Variants in RNF168 observed in about 807,000 individuals in gnomAD.
RNF168 encodes ring finger protein 168.
RNF168 carries 34 observed loss-of-function variants against 34.9 expected under a neutral mutation model. That is an observed-to-expected ratio of 0.97 (90% CI 0.74 to 1.30). The LOEUF (loss-of-function observed/expected upper bound fraction) is 1.30, where lower values mean the gene tolerates loss of function less well. RNF168 is among the 50% of genes most tolerant of loss of function. The pLI, the probability that RNF168 is intolerant of heterozygous loss-of-function variation, is 0.00. For synonymous variants in RNF168, 264 were observed against 254.7 expected, an observed-to-expected ratio of 1.04 and a Z score of -0.35; for missense variants, 725 against 682.5, an observed-to-expected ratio of 1.06 and a Z score of -0.69.
rs375466986 is a variant in RNF168, at chr3:196,472,783, C to A, written c.763-11G>T. Reference sequence around the variant, plus strand: ...ACTACTGTCAATGTCCTGTAGAAAACAGAAAAAGACTGAGTGAACCAGGGG... The same window carrying A: ...ACTACTGTCAATGTCCTGTAGAAAAAAGAAAAAGACTGAGTGAACCAGGGG... On this transcript the variant is annotated splice_polypyrimidine_tract_variant and intron_variant, in intron 5 of 5. Coordinates refer to ENST00000318037, the MANE Select transcript of RNF168 (RefSeq NM_152617.4). 1 of 1,525,800 alleles carries A rather than the reference C, an allele frequency of 6.6e-7. No homozygotes were observed. The highest frequency in any genetic ancestry group is 2.3e-5 in the East Asian group (1 of 44,346). 94.5% of individuals were successfully genotyped at this position (1,525,800 alleles called of 1,614,324 possible).
intron 4 of RNF168, among the ~76,000 whole-genome samples, chr3:196,478,815 C>T (rs886133183): frequency 2.7e-5 from 4 of 150,332 alleles, no homozygotes; most frequent in Non-Finnish European, 5.9e-5. Context: ...TACAGGCATG[C>T]ACCACCATGC....
chr3:196,474,505 C>A (rs1296848685), intron 5 of RNF168, among the ~76,000 whole-genome samples: 3 of 144,068 alleles, frequency 2.1e-5, no homozygotes, highest in African/African-American at 7.8e-5. Flanking sequence ...TGGAGGGCAA[C>A]GGCACGATCT....
chr3:196,502,711 T>C (rs1458107959), intron 1 of RNF168, among the ~76,000 whole-genome samples, 162 bp downstream of exon 1: 1 of 152,136 alleles, frequency 6.6e-6, no homozygotes, highest in Non-Finnish European at 1.5e-5. Flanking sequence ...TTATAATCCA[T>C]CGACATTTGG....
At chr3:196,481,854 A>G (rs1006629871) in intron 4 of RNF168, among the ~76,000 whole-genome samples, 6 of 149,890 alleles carry the variant, frequency 4.0e-5, no homozygotes, top group African/African-American at 1.5e-4. Context: ...GGGTCTTACT[A>G]TGTTGCCCAG....
At chr3:196,472,914 CT>C (rs1039221274) in intron 5 of RNF168, 142 bp from the exon 6 acceptor site, 97 of 570,922 alleles carry the variant, frequency 1.7e-4, no homozygotes, top group Non-Finnish European at 2.3e-4. Context: ...TCTTTCTTTT[CT>C]TTTTTTTTCA....
In RNF168 at chr3:196,503,252, G is replaced by A. The variant is rs771106751; in HGVS notation, c.-79C>T. The A allele has an allele frequency of 2.3e-6, 3 of 1,294,426 alleles. No individual in the cohort carries two copies. The highest frequency in any genetic ancestry group is 3.3e-6 in the Non-Finnish European group (3 of 898,610). 80.2% of individuals were successfully genotyped at this position (1,294,426 alleles called of 1,614,324 possible). A position where few individuals can be genotyped will look rare whatever the true frequency, so the allele number is the denominator to read the frequency against. Reference sequence around the variant, plus strand: ...CTATTTTCGGCCAACCACAGAGAGAGCAAAAGCAGTTTTGTGTTTCAGTAT... The same window carrying A: ...CTATTTTCGGCCAACCACAGAGAGAACAAAAGCAGTTTTGTGTTTCAGTAT... On this transcript the variant is annotated 5_prime_UTR_variant, in exon 1 of 6. Transcript: ENST00000318037.
intron 1 of RNF168, among the ~76,000 whole-genome samples, chr3:196,497,108 T>C (rs1005262836): frequency 2.0e-5 from 3 of 151,576 alleles, no homozygotes; most frequent in Non-Finnish European, 4.4e-5. Flanking sequence ...ATCACGCCAC[T>C]GCACTCCAGC....
At position 196,469,245 on chromosome 3, in the gene RNF168, TCAGA is replaced by T. The variant is rs1731943633; in HGVS notation, c.*2570_*2573del. 1 of 152,202 alleles carries T rather than the reference TCAGA, an allele frequency of 6.6e-6. No homozygotes were observed. Among genetic ancestry groups the T allele is most frequent in the South Asian group, 2.1e-4 (1 of 4,828 alleles). The allele number at this position is 152,202 out of a possible 1,614,324, so 9.4% of individuals were successfully genotyped here. Reference sequence around the variant, plus strand: ...ATGAGAAGATTGATCTTAGCCTGTCTCAGACAAATTTGGTTTATTTATTTTTACT... The same window carrying T: ...ATGAGAAGATTGATCTTAGCCTGTCTCAAATTTGGTTTATTTATTTTTACT... On this transcript the variant is annotated 3_prime_UTR_variant, in exon 6 of 6. Transcript: ENST00000318037.
intron 4 of RNF168, 79 bp from the exon 5 acceptor site, chr3:196,475,391 C>A: frequency 1.2e-6 from 1 of 829,866 alleles, no homozygotes; most frequent in East Asian, 2.6e-5. Context: ...CTATTTATAC[C>A]GAAGGTTGTC....
intron 3 of RNF168, among the ~76,000 whole-genome samples, chr3:196,484,391 G>C (rs1334742829): frequency 6.7e-6 from 1 of 150,364 alleles, no homozygotes; most frequent in East Asian, 2.0e-4. Context: ...AGCCAGGATG[G>C]TCTCGATTTC....
At chr3:196,493,229 A>G (rs1257063673) in intron 1 of RNF168, among the ~76,000 whole-genome samples, 1 of 152,210 alleles carries the variant, frequency 6.6e-6, no homozygotes, top group African/African-American at 2.4e-5. Flanking sequence ...GCAAGCAGAG[A>G]GCTGAACTTT....
chr3:196,493,002 C>T lies in RNF168; in HGVS notation c.302-4319G>A, dbSNP rs182242872. Among the ~76,000 whole-genome samples the T allele has an allele frequency of 1.7e-3, 264 of 151,974 alleles. 1 individual carries two copies. The highest frequency in any genetic ancestry group is 6.1e-3 in the African/African-American group (252 of 41,430). The stretch of plus-strand genomic sequence containing the variant: ...AAATGGAAAAAAACAAAACTATAAA[C>T]GACTAAGAAGAACATATGAGATAAA... On this transcript the variant is annotated intron_variant, in intron 1 of 5. Coordinates refer to ENST00000318037, the MANE Select transcript of RNF168 (RefSeq NM_152617.4).
chr3:196,473,815 TAAAC>T (rs1560266151), intron 5 of RNF168, among the ~76,000 whole-genome samples: 1 of 136,844 alleles, frequency 7.3e-6, no homozygotes, highest in East Asian at 1.9e-4. Flanking sequence ...TCTCAAAAAA[TAAAC>T]AAAACAAAAC....
chr3:196,476,426 T>A (rs1358228746), intron 4 of RNF168, among the ~76,000 whole-genome samples: 1 of 151,700 alleles, frequency 6.6e-6, no homozygotes, highest in African/African-American at 2.4e-5. Flanking sequence ...TTCTTTTTTT[T>A]TTTTTTCTGA....
chr3:196,472,963 G>A (rs145037373), intron 5 of RNF168, among the ~76,000 whole-genome samples, 191 bp from the exon 6 acceptor site: 3,268 of 151,768 alleles, frequency 0.022, 123 homozygotes, highest in African/African-American at 0.076. Flanking sequence ...GTGCAGTGGC[G>A]CGGTCTCAGC....
At position 196,471,626 on chromosome 3, in the gene RNF168, G is replaced by A; in HGVS notation, c.*193C>T. On this transcript the variant is annotated 3_prime_UTR_variant, in exon 6 of 6. Coordinates refer to ENST00000318037, the MANE Select transcript of RNF168 (RefSeq NM_152617.4). ...TGTTATTAAGAAGGGAAACGACAGGGGACCCCTGCTTACCGCTGAGCTGTG... is the reference window on the plus strand; with the variant it reads ...TGTTATTAAGAAGGGAAACGACAGGAGACCCCTGCTTACCGCTGAGCTGTG... 1 of 589,268 alleles carries A rather than the reference G, an allele frequency of 1.7e-6. No homozygotes were observed. The highest frequency in any genetic ancestry group is 4.5e-4 in the Middle Eastern group (1 of 2,226). 36.5% of individuals were successfully genotyped at this position (589,268 alleles called of 1,614,324 possible).
chr3:196,476,513 T>C (rs1732153632), intron 4 of RNF168, among the ~76,000 whole-genome samples: 1 of 151,854 alleles, frequency 6.6e-6, no homozygotes, highest in African/African-American at 2.4e-5. Context: ...CCTCCCAGGT[T>C]CAAGTGATTC....
At chr3:196,479,406 G>A (rs1266535566) in intron 4 of RNF168, among the ~76,000 whole-genome samples, 9 of 151,886 alleles carry the variant, frequency 5.9e-5, no homozygotes, top group African/African-American at 1.9e-4. Context: ...CCAGGTTCAC[G>A]TGATCCTGCC....
In RNF168 at chr3:196,488,606, CCTTG is replaced by C; in HGVS notation, c.375_378del (p.Ser125ArgfsTer47). On this transcript the variant is annotated frameshift_variant and splice_region_variant, in exon 2 of 6. Transcript: ENST00000318037. LOFTEE classifies it high-confidence loss of function. ...AAAAAAAAAAACTATTTAGCACCTA[CCTTG>C]CTTATTTCCTCTTCATATTCTCTTC... 1 of 1,572,706 alleles carries C rather than the reference CCTTG, an allele frequency of 6.4e-7. No homozygotes were observed. The highest frequency in any genetic ancestry group is 8.7e-7 in the Non-Finnish European group (1 of 1,143,218).
Sources: allele counts gnomAD v4.1 joint callset (sites outside exome capture counted in the v4.1 genomes callset), GRCh38; gene constraint gnomAD v4.1.1; transcripts MANE v1.5; gene names NCBI Gene and HGNC (gene_info 2026-07-23, HGNC 2026-07-21).